ABHD11: variants seen among roughly 807,000 people sequenced by gnomAD.
The protein encoded by ABHD11 is sn-1-specific diacylglycerol lipase ABHD11.
ABHD11 carries 26 observed loss-of-function variants against 29.0 expected under a neutral mutation model. That is an observed-to-expected ratio of 0.90 (90% CI 0.66 to 1.24). ABHD11 has a LOEUF of 1.24. Ranked by LOEUF, ABHD11 falls within the 50% of genes most tolerant of loss-of-function variation. ABHD11 has a pLI of 0.00. For synonymous variants in ABHD11, 169 were observed against 166.4 expected (o/e 1.02, Z -0.12); for missense variants, 381 against 422.4 (o/e 0.90, Z 0.86).
At chr7:73,736,736 T>G (rs1384051086) in intron 5 of ABHD11, 45 bp from the exon 6 acceptor site, 18 of 1,611,160 alleles carry the variant, frequency 1.1e-5, no homozygotes, top group Non-Finnish European at 1.4e-5. Flanking sequence ...GAAAGTGGGA[T>G]GAGGAGGAGT....
At chr7:73,737,823 T>C in intron 2 of ABHD11, 88 bp from the exon 3 acceptor site, 1 of 1,513,888 alleles carries the variant, frequency 6.6e-7, no homozygotes, top group Non-Finnish European at 8.9e-7. Flanking sequence ...AGGTCAAAGG[T>C]GTGGAGAGCC....
rs1799952845 is a variant in ABHD11 at position 73,736,989 on chromosome 7, C to T, written c.728G>A (p.Arg243Lys). The T allele has an allele frequency of 1.2e-6, 2 of 1,613,836 alleles. No individual in the cohort carries two copies. Among genetic ancestry groups the T allele is most frequent in the Non-Finnish European group, 1.7e-6 (2 of 1,179,934 alleles). ...HLDKILAFPQ[R>K]QESYLGPTLF... ...TGTTGGCCCGAGGTAGGACTCCTGC[C>T]TCTGTGGGAAAGCCAAGATCTTGTC... Residue 243 changes from arginine (R) to lysine (K), a missense_variant, in exon 5 of 6, where the codon AGG becomes AAG. Arg to Lys is a conservative substitution (Grantham distance 26). Coordinates refer to ENST00000222800, the MANE Select transcript of ABHD11 (RefSeq NM_148912.4).
At chr7:73,737,904 C>T (rs575900316) in intron 2 of ABHD11, 169 bp from the exon 3 acceptor site, 2 of 1,055,608 alleles carry the variant, frequency 1.9e-6, no homozygotes, top group Non-Finnish European at 2.8e-6. Context: ...GAACCTGGGG[C>T]CACTCTGCCA....
chr7:73,736,920 C>A lies in ABHD11; in HGVS notation c.788+9G>T, dbSNP rs1554621989. 6.8e-6 allele frequency: 11 copies of A among 1,612,136 alleles called. No homozygotes were observed. Among genetic ancestry groups the A allele is most frequent in the African/African-American group, 1.3e-5 (1 of 74,942 alleles). The stretch of plus-strand genomic sequence containing the variant: ...AAGCATGCCCCTCCTACTACCCAGG[C>A]TAGCTTACTGCACGAACTGGGAGTT... On this transcript the variant is annotated intron_variant, in intron 5 of 5. Coordinates refer to ENST00000222800, the MANE Select transcript of ABHD11 (RefSeq NM_148912.4).
rs782060489 is a variant in ABHD11 at position 73,736,690 on chromosome 7, G to A, written c.790C>T (p.Pro264Ser). ...LLGGNSQFVH[P>S]SHHPEIMRLF... ...CGCATAATCTCAGGGTGGTGGCTGG[G>A]ACTGTGCATCGCAGCGACGGCCATC... Residue 264 changes from proline to serine, a missense_variant and splice_region_variant, in exon 6 of 6, where the codon CCC (proline) becomes TCC (serine). Transcript: ENST00000222800. The A allele has an allele frequency of 1.2e-6, 2 of 1,613,742 alleles. No homozygotes were observed. Among genetic ancestry groups the A allele is most frequent in the East Asian group, 4.5e-5 (2 of 44,876 alleles).
chr7:73,736,249 G>GTT lies in ABHD11; in HGVS notation c.*308_*309dup. 2.1e-6 allele frequency: 1 copy of GTT among 484,478 alleles called. No homozygotes were observed. The highest frequency in any genetic ancestry group is 4.1e-6 in the Non-Finnish European group (1 of 246,054). 30.0% of individuals were successfully genotyped at this position (484,478 alleles called of 1,614,324 possible). ...GGGTTTTGTGCCTCCTTTTTGTTTTGTTTTTTTTGAGACAGAGTCTTGCTC... is the reference window on the plus strand; with the variant it reads ...GGGTTTTGTGCCTCCTTTTTGTTTTGTTTTTTTTTTGAGACAGAGTCTTGCTC... On this transcript the variant is annotated 3_prime_UTR_variant, in exon 6 of 6. Transcript: ENST00000222800.
chr7:73,736,599 G>A lies in ABHD11; in HGVS notation c.881C>T (p.Pro294Leu), dbSNP rs782270702. ...NAGHWIHADR[P>L]QDFIAAIRGF... ...TCGGATGGCAGCTATGAAGTCCTGT[G>A]GGCGGTCAGCGTGGATCCAGTGGCC... Residue 294 changes from proline (P) to leucine (L), a missense_variant, in exon 6 of 6, where the codon CCA becomes CTA. Physicochemically the swap from Pro to Leu is moderately conservative, Grantham distance 98. Transcript: ENST00000222800. 11 of 1,614,048 alleles carry A rather than the reference G, an allele frequency of 6.8e-6. No homozygotes were observed. In the Admixed American group the frequency reaches 1.5e-4, roughly 22 times the overall value.
intron 2 of ABHD11, chr7:73,737,961 C>A (rs1800093464): frequency 2.4e-6 from 2 of 820,434 alleles, no homozygotes. Flanking sequence ...GAAGGGCTGG[C>A]CTGGCTGGGT....
At chr7:73,738,133 C>T in intron 2 of ABHD11, 195 bp downstream of exon 2, 1 of 1,043,514 alleles carries the variant, frequency 9.6e-7, no homozygotes, top group South Asian at 1.4e-5. Flanking sequence ...GGGCCAGCCC[C>T]GATGGAGATC....
chr7:73,736,638 G>A lies in ABHD11; in HGVS notation c.842C>T (p.Thr281Met), dbSNP rs782283677. 31 of 1,613,964 alleles carry A rather than the reference G, an allele frequency of 1.9e-5. No individual in the cohort carries two copies. Among genetic ancestry groups the A allele is most frequent in the African/African-American group, 1.5e-4 (11 of 74,928 alleles). Residue 281 changes from threonine to methionine, a missense_variant, in exon 6 of 6, where the codon ACG (threonine) becomes ATG (methionine). Coordinates refer to ENST00000222800, the MANE Select transcript of ABHD11 (RefSeq NM_148912.4). ...GATCCAGTGGCCAGCGTTCGGCACC[G>A]TCTGCATCTGGGCCCGAGGGAAGAG... ...MRLFPRAQMQ[T>M]VPNAGHWIHA... is the part of the protein sequence containing the mutation.
chr7:73,738,173 T>G, intron 2 of ABHD11, 155 bp downstream of exon 2: 1 of 1,229,714 alleles, frequency 8.1e-7, no homozygotes, highest in Non-Finnish European at 1.2e-6. Context: ...GATGGCAACG[T>G]GAGGGAATAA....
rs1368749607 is a variant in ABHD11, at chr7:73,737,480, C to T, written c.435+82G>A. The T allele has an allele frequency of 9.0e-6, 14 of 1,561,620 alleles. No individual in the cohort carries two copies. The Admixed American group carries it at 1.4e-4, about 16-fold the overall frequency. ...CTGGAGCCTGAACTTGGTCATCCAACGATCATGTGAGTCCCAGGTTGCCTG... is the reference window on the plus strand; with the variant it reads ...CTGGAGCCTGAACTTGGTCATCCAATGATCATGTGAGTCCCAGGTTGCCTG... On this transcript the variant is annotated intron_variant, in intron 3 of 5. Transcript: ENST00000222800.
At chr7:73,737,809 C>G in intron 2 of ABHD11, 74 bp from the exon 3 acceptor site, 1 of 1,543,504 alleles carries the variant, frequency 6.5e-7, no homozygotes. Context: ...CTTGTAGGGA[C>G]AGCAGGTCAA....
chr7:73,736,870 C>T, intron 5 of ABHD11, 59 bp downstream of exon 5: 1 of 1,585,716 alleles, frequency 6.3e-7, no homozygotes, highest in Non-Finnish European at 8.6e-7. Flanking sequence ...CTGGTAGGGT[C>T]CCCAGGCTGG....
At chr7:73,738,142 T>C (rs1209818431) in intron 2 of ABHD11, 186 bp downstream of exon 2, 4 of 1,082,490 alleles carry the variant, frequency 3.7e-6, no homozygotes, top group Non-Finnish European at 5.6e-6. Context: ...CCGATGGAGA[T>C]CTACAACATG....
chr7:73,736,915 C>T lies in ABHD11; in HGVS notation c.788+14G>A, dbSNP rs947867979. 2 of 1,611,330 alleles carry T rather than the reference C, an allele frequency of 1.2e-6. No homozygotes were observed. Among genetic ancestry groups the T allele is most frequent in the Middle Eastern group, 1.7e-4 (1 of 6,054 alleles). ...GAGTAAAGCATGCCCCTCCTACTACCCAGGCTAGCTTACTGCACGAACTGG... is the reference window on the plus strand; with the variant it reads ...GAGTAAAGCATGCCCCTCCTACTACTCAGGCTAGCTTACTGCACGAACTGG... On this transcript the variant is annotated intron_variant, in intron 5 of 5. Transcript: ENST00000222800.
At chr7:73,738,537 G>C (rs1584283057) in intron 1 of ABHD11, 74 bp from the exon 2 acceptor site, 6 of 1,568,600 alleles carry the variant, frequency 3.8e-6, no homozygotes, top group East Asian at 2.3e-5. Flanking sequence ...AAGAGCTTTG[G>C]GGGAGAGGCC....
chr7:73,736,838 C>A lies in ABHD11; in HGVS notation c.788+91G>T, dbSNP rs180872593. 5.7e-5 allele frequency: 89 copies of A among 1,572,064 alleles called. No individual in the cohort carries two copies. In the African/African-American group the frequency reaches 9.8e-4, roughly 17 times the overall value. ...GTATTTCTGGCCTCTCAGCCACCCC[C>A]CTTCCACACCCAAGGCCTCCCCTGG... On this transcript the variant is annotated intron_variant, in intron 5 of 5. Transcript: ENST00000222800.
chr7:73,737,835 G>T, intron 2 of ABHD11, 100 bp from the exon 3 acceptor site: 1 of 1,483,480 alleles, frequency 6.7e-7, no homozygotes. Flanking sequence ...TGGAGAGCCT[G>T]GGGATACACC....
Sources: gnomAD v4.1 joint callset for allele counts on GRCh38, gnomAD v4.1.1 for gene constraint, MANE v1.5 for transcripts, NCBI Gene and HGNC (gene_info 2026-07-23, HGNC 2026-07-21) for gene names.